Variants in PRL observed in about 807,000 individuals in gnomAD.
PRL encodes the protein prolactin.
Under a neutral mutation model 21.3 loss-of-function variants are expected in PRL, and 24 were observed. The observed-to-expected ratio is 1.13, with a 90% CI of 0.82 to 1.59. PRL has a LOEUF of 1.59. PRL is among the 40% of genes most tolerant of loss of function. The probability of loss-of-function intolerance (pLI) is 0.00; values close to 1 mark genes in which losing one functional copy is unlikely to be tolerated. For synonymous variants in PRL, 118 were observed against 115.7 expected (o/e 1.02, Z -0.13); for missense variants, 243 against 286.9 (o/e 0.85, Z 1.10).
At chr6:22,287,703 T>A in intron 4 of PRL, 110 bp from the exon 5 acceptor site, 1 of 1,015,800 alleles carries the variant, frequency 9.8e-7, no homozygotes, top group Non-Finnish European at 1.4e-6. Flanking sequence ...GAATGCAAAG[T>A]TTTAGACAAA....
Position 22,292,657 on chromosome 6 carries a change from G to A in PRL, c.205-12C>T. 1 of 1,605,880 alleles carries A rather than the reference G, an allele frequency of 6.2e-7. No individual in the cohort carries two copies. Among genetic ancestry groups the A allele is most frequent in the Non-Finnish European group, 8.5e-7 (1 of 1,174,142 alleles). ...GTATACCGTTTATCCTGGAAATGAT[G>A]AGACAAATTCAATTAGTTGGGGTTG... On this transcript the variant is annotated splice_polypyrimidine_tract_variant and intron_variant, in intron 2 of 4. Transcript: ENST00000306482.
At chr6:22,302,612 C>T (rs1761302819) in intron 1 of PRL, among the ~76,000 whole-genome samples, 1 of 152,026 alleles carries the variant, frequency 6.6e-6, no homozygotes, top group Non-Finnish European at 1.5e-5. Flanking sequence ...GAAAAAGAGC[C>T]TTCAGAAATG....
upstream of PRL, chr6:22,297,125 C>A (rs1761196733): frequency 7.7e-6 from 6 of 783,400 alleles, no homozygotes; most frequent in South Asian, 5.6e-5. Flanking sequence ...TTTTCCTGGT[C>A]ATCTATTTCC....
rs1370241165 is a variant in PRL at position 22,287,571 on chromosome 6, T to C, written c.515A>G (p.Asn172Ser). The part of the protein sequence containing the change: ...VSQVHPETKE[N>S]EIYPVWSGLP... ...TCCCGACCAGACAGGGTAGATCTCATTTTCTTTGGTTTCAGGATGAACCTA... is the reference window on the plus strand; with the variant it reads ...TCCCGACCAGACAGGGTAGATCTCACTTTCTTTGGTTTCAGGATGAACCTA... The change falls in exon 5 of 5, where the codon AAT (asparagine) becomes AGT (serine). Residue 172 changes from asparagine to serine, a missense_variant. By Grantham distance (46) the Asn-to-Ser change is conservative. Coordinates refer to ENST00000306482, the MANE Select transcript of PRL (RefSeq NM_000948.6). 3.1e-6 allele frequency: 5 copies of C among 1,605,990 alleles called. No homozygotes were observed. The highest frequency in any genetic ancestry group is 1.7e-4 in the Middle Eastern group (1 of 6,028).
rs139719967 is a variant in PRL, at chr6:22,290,234, A to C, written c.432T>G (p.Ala144=). 3.1e-6 allele frequency: 5 copies of C among 1,611,702 alleles called. No homozygotes were observed. The highest frequency in any genetic ancestry group is 4.2e-6 in the Non-Finnish European group (5 of 1,178,352). ...GTTTGGTTTGCTCCTCAATCTCTAC[A>C]GCTTTGGATAGGATAGCCTCCGGGG... ...QEAPEAILSK[A]VEIEEQTKRL... is the part of the protein sequence containing the mutation. The change falls in exon 4 of 5, where the codon GCT becomes GCG. Residue 144 remains alanine, a synonymous_variant. Coordinates refer to ENST00000306482, the MANE Select transcript of PRL (RefSeq NM_000948.6).
intron 3 of PRL, 118 bp downstream of exon 3, chr6:22,292,420 C>T: frequency 1.1e-6 from 1 of 931,286 alleles, no homozygotes. Flanking sequence ...ACTGCTTATT[C>T]TTCCTATATT....
upstream of PRL, among the ~76,000 whole-genome samples, chr6:22,301,617 G>A (rs189072738): frequency 6.0e-3 from 906 of 152,254 alleles, 12 homozygotes; most frequent in African/African-American, 0.02. Context: ...TGCCTGTATT[G>A]AAAAGATTCA....
At chr6:22,287,664 T>C (rs1760952069) in intron 4 of PRL, 71 bp from the exon 5 acceptor site, 1 of 1,310,158 alleles carries the variant, frequency 7.6e-7, no homozygotes, top group Non-Finnish European at 1.0e-6. Context: ...TCTTTCTAAC[T>C]GTTGAATTAA....
chr6:22,290,703 G>C (rs933633874), intron 3 of PRL, among the ~76,000 whole-genome samples: 1 of 152,164 alleles, frequency 6.6e-6, no homozygotes, highest in Non-Finnish European at 1.5e-5. Context: ...AGAAACTAAA[G>C]TTTTGCCGAA....
chr6:22,287,391 T>G lies in PRL; in HGVS notation c.*11A>C. 6.3e-7 allele frequency: 1 copy of G among 1,598,540 alleles called. No homozygotes were observed. The highest frequency in any genetic ancestry group is 1.3e-5 in the African/African-American group (1 of 74,718). ...AGGACCTTCTCAGAAATAGATGAAATGGATGTGGGCTTAGCAGTTGTTGTT... is the reference window on the plus strand; with the variant it reads ...AGGACCTTCTCAGAAATAGATGAAAGGGATGTGGGCTTAGCAGTTGTTGTT... On this transcript the variant is annotated 3_prime_UTR_variant, in exon 5 of 5. Transcript: ENST00000306482.
At position 22,288,921 on chromosome 6, in the gene PRL, T is replaced by C. The variant is rs1009691266; in HGVS notation, c.492+1253A>G. 6.0e-5 allele frequency among the ~76,000 whole-genome samples: 9 copies of C among 150,232 alleles called. No individual in the cohort carries two copies. Among genetic ancestry groups the C allele is most frequent in the Admixed American group, 2.0e-4 (3 of 15,068 alleles). On this transcript the variant is annotated intron_variant, in intron 4 of 4. Coordinates refer to ENST00000306482, the MANE Select transcript of PRL (RefSeq NM_000948.6). This position sits in a 1 kb window ranked among gnomAD's most constrained non-coding sequence, Gnocchi z 4.5. ...GTGTGTGCGCGCGCGTGTGTGTGCG[T>C]GCGCGTGTGTGTGCATGTGTGTGTG...
Position 22,287,573 on chromosome 6 carries a change from T to G in PRL, c.513A>C (p.Glu171Asp). 1 of 1,605,874 alleles carries G rather than the reference T, an allele frequency of 6.2e-7. No individual in the cohort carries two copies. Among genetic ancestry groups the G allele is most frequent in the South Asian group, 1.1e-5 (1 of 89,766 alleles). ...CCGACCAGACAGGGTAGATCTCATT[T>G]TCTTTGGTTTCAGGATGAACCTAAT... Reference protein sequence around the residue: ...IVSQVHPETKENEIYPVWSGL... With the variant: ...IVSQVHPETKDNEIYPVWSGL... Residue 171 changes from glutamate to aspartate, a missense_variant, in exon 5 of 5, where the codon GAA (glutamate) becomes GAC (aspartate). Transcript: ENST00000306482.
chr6:22,296,502 T>C (rs1029688919), intron 1 of PRL, among the ~76,000 whole-genome samples: 15 of 152,346 alleles, frequency 9.8e-5, no homozygotes, highest in African/African-American at 3.6e-4. Context: ...CAGAAAATGT[T>C]ACTTTGTCCC....
At chr6:22,293,625 GGGAAGGAA>G (rs1176296800) in intron 2 of PRL, among the ~76,000 whole-genome samples, 1,111 of 27,262 alleles carry the variant, frequency 0.041, 63 homozygotes, top group African/African-American at 0.14. Flanking sequence ...GAGGGAAGGA[GGGAAGGAA>G]GGAAGGAAGG....
At chr6:22,290,631 A>G (rs1197201854) in intron 3 of PRL, among the ~76,000 whole-genome samples, 1 of 152,166 alleles carries the variant, frequency 6.6e-6, no homozygotes, top group East Asian at 1.9e-4. Flanking sequence ...TTCCTCTGAA[A>G]TTCTACCATC....
At chr6:22,301,756 G>GT (rs966700243), upstream of PRL, among the ~76,000 whole-genome samples, 30 of 151,576 alleles carry the variant, frequency 2.0e-4, no homozygotes, top group South Asian at 1.3e-3. Flanking sequence ...TATCTGCTTA[G>GT]TTTTTTTTTC....
upstream of PRL, among the ~76,000 whole-genome samples, chr6:22,302,233 C>T (rs972061352): frequency 1.3e-5 from 2 of 151,438 alleles, no homozygotes; most frequent in Non-Finnish European, 2.9e-5. Context: ...GAAAACAGAT[C>T]GTAAACCTTT....
upstream of PRL, among the ~76,000 whole-genome samples, chr6:22,302,159 A>AT (rs1761292579): frequency 6.6e-6 from 1 of 152,178 alleles, no homozygotes; most frequent in East Asian, 1.9e-4. Context: ...AGTCAAGCTG[A>AT]TTTTTTATCA....
chr6:22,298,241 C>G (rs1400238204), upstream of PRL, among the ~76,000 whole-genome samples: 4 of 152,204 alleles, frequency 2.6e-5, no homozygotes, highest in African/African-American at 7.2e-5. Context: ...GCCAAGGTGA[C>G]AAAAATTCAT....
Sources: gnomAD v4.1 joint callset for allele counts (sites outside exome capture counted in the v4.1 genomes callset) on GRCh38, gnomAD v4.1.1 for gene constraint, Gnocchi (gnomAD v3.1) non-coding constraint, MANE v1.5 for transcripts, NCBI Gene and HGNC (gene_info 2026-07-23, HGNC 2026-07-21) for gene names.